Variants in IFTAP observed in about 807,000 individuals in gnomAD.
The protein encoded by IFTAP is intraflagellar transport-associated protein.
In IFTAP, 19 loss-of-function variants were observed where a neutral mutation model predicts 19.4. The ratio of observed to expected loss-of-function variants is 0.98; its 90% CI spans 0.68 to 1.44. IFTAP has a LOEUF of 1.44. Ranked by LOEUF, IFTAP falls within the 40% of genes most tolerant of loss-of-function variation. The pLI is 0.00. For synonymous variants in IFTAP, 85 were observed against 83.5 expected (o/e 1.02, Z -0.10); for missense variants, 240 against 253.6 (o/e 0.95, Z 0.36).
intron 2 of IFTAP, among the ~76,000 whole-genome samples, chr11:36,617,555 C>T (rs1381455166): frequency 6.6e-6 from 1 of 151,910 alleles, no homozygotes; most frequent in Non-Finnish European, 1.5e-5. Flanking sequence ...CTGATTTAGG[C>T]TACAGATTCT....
chr11:36,594,852 G>A (rs1851141940), intron 1 of IFTAP: 1 of 152,574 alleles, frequency 6.6e-6, no homozygotes, highest in Non-Finnish European at 1.5e-5. Flanking sequence ...ATGTCGTTAC[G>A]GTGTCCTGCC....
intron 1 of IFTAP, among the ~76,000 whole-genome samples, chr11:36,607,596 T>G (rs1196323886): frequency 2.6e-5 from 4 of 152,144 alleles, no homozygotes. Context: ...CTTATGAATT[T>G]TTTTTTTTCC....
At chr11:36,632,923 A>G (rs1852783084) in intron 2 of IFTAP, among the ~76,000 whole-genome samples, 1 of 151,196 alleles carries the variant, frequency 6.6e-6, no homozygotes, top group Admixed American at 6.6e-5. Flanking sequence ...TTCTAAAGTC[A>G]TCCATACATT....
chr11:36,622,083 A>ATTTTTTTTTT lies in IFTAP; in HGVS notation c.137-11195_137-11194insTTTTTTTTTT, dbSNP rs199873596. ...TTATTTTACTTTAAGCTCTTGTTCT[A>ATTTTTTTTTT]TTTTTTATTTTTTTTTTTGTGAAGG... On this transcript the variant is annotated intron_variant, in intron 2 of 5. Coordinates refer to ENST00000334307, the MANE Select transcript of IFTAP (RefSeq NM_138787.4). Among the ~76,000 whole-genome samples the ATTTTTTTTTT allele has an allele frequency of 1.7e-3, 237 of 138,124 alleles. 6 individuals are homozygous for ATTTTTTTTTT. Among genetic ancestry groups the ATTTTTTTTTT allele is most frequent in the African/African-American group, 2.2e-3 (80 of 35,738 alleles). 90.6% of individuals were successfully genotyped at this position (138,124 alleles called of 152,430 possible). A position where few individuals can be genotyped will look rare whatever the true frequency, so the allele number is the denominator to read the frequency against.
At chr11:36,626,997 G>A (rs780551279) in intron 2 of IFTAP, among the ~76,000 whole-genome samples, 3 of 151,034 alleles carry the variant, frequency 2.0e-5, no homozygotes, top group South Asian at 2.1e-4. Flanking sequence ...TTCATACAAC[G>A]GACTATTATT....
chr11:36,624,842 G>GAACAA (rs368784967), intron 2 of IFTAP, among the ~76,000 whole-genome samples: 17,198 of 152,008 alleles, frequency 0.11, 1,132 homozygotes, highest in African/African-American at 0.17. Context: ...GTGGAGCAAG[G>GAACAA]TCATATTATC....
intron 2 of IFTAP, among the ~76,000 whole-genome samples, chr11:36,620,607 CATAG>C (rs529052898): frequency 6.6e-6 from 1 of 151,876 alleles, no homozygotes; most frequent in African/African-American, 2.4e-5. Flanking sequence ...ATATTTGGTT[CATAG>C]ATAATCATTT....
chr11:36,630,553 C>T (rs1264093458), intron 2 of IFTAP, among the ~76,000 whole-genome samples: 1 of 151,346 alleles, frequency 6.6e-6, no homozygotes, highest in Admixed American at 6.6e-5. Context: ...ATATTTTGCT[C>T]TTTATTTCAA....
chr11:36,655,291 T>C (rs1349238133), intron 5 of IFTAP, among the ~76,000 whole-genome samples: 1 of 152,180 alleles, frequency 6.6e-6, no homozygotes, highest in Non-Finnish European at 1.5e-5. Context: ...ACTTGTAAAC[T>C]AATGTTTACC....
intron 2 of IFTAP, among the ~76,000 whole-genome samples, chr11:36,625,391 T>A (rs901922755): frequency 1.3e-5 from 2 of 152,186 alleles, no homozygotes; most frequent in African/African-American, 2.4e-5. Context: ...ATAGTTTCTG[T>A]AACTTGCTTT....
At chr11:36,647,498 C>A (rs1853535838) in intron 4 of IFTAP, among the ~76,000 whole-genome samples, 1 of 152,090 alleles carries the variant, frequency 6.6e-6, no homozygotes, top group Non-Finnish European at 1.5e-5. Context: ...GAAAATTAGA[C>A]CATGCATTCT....
intron 2 of IFTAP, among the ~76,000 whole-genome samples, chr11:36,624,966 C>G (rs1231957113): frequency 6.6e-6 from 1 of 152,158 alleles, no homozygotes; most frequent in Non-Finnish European, 1.5e-5. Flanking sequence ...ATGCAGTTAA[C>G]TAATAAAGTC....
At chr11:36,599,499 A>T (rs937160269) in intron 1 of IFTAP, among the ~76,000 whole-genome samples, 1 of 152,182 alleles carries the variant, frequency 6.6e-6, no homozygotes, top group African/African-American at 2.4e-5. Context: ...TAACTACCTT[A>T]TTGTAAGGAT....
At chr11:36,658,356 G>T (rs143401646) in intron 5 of IFTAP, among the ~76,000 whole-genome samples, 2 of 152,232 alleles carry the variant, frequency 1.3e-5, no homozygotes, top group African/African-American at 4.8e-5. Context: ...CCTTTAGGAA[G>T]TCTTTAAAAC....
intron 4 of IFTAP, among the ~76,000 whole-genome samples, chr11:36,644,752 A>G (rs1853403521): frequency 6.6e-6 from 1 of 151,428 alleles, no homozygotes. Flanking sequence ...CGTAAGGATA[A>G]AAAAACCAAA....
At chr11:36,628,770 G>GT in intron 2 of IFTAP, among the ~76,000 whole-genome samples, 1 of 151,284 alleles carries the variant, frequency 6.6e-6, no homozygotes, top group Admixed American at 6.6e-5. Flanking sequence ...CTGCTATTGT[G>GT]TCCCTCATCT....
At chr11:36,638,989 G>A (rs1204421895) in intron 4 of IFTAP, among the ~76,000 whole-genome samples, 1 of 152,200 alleles carries the variant, frequency 6.6e-6, no homozygotes. Context: ...CTGCCACAGA[G>A]TTTGGTGCAC....
At chr11:36,617,999 A>G (rs1852154664) in intron 2 of IFTAP, among the ~76,000 whole-genome samples, 1 of 152,072 alleles carries the variant, frequency 6.6e-6, no homozygotes, top group Non-Finnish European at 1.5e-5. Context: ...CTTCACATGT[A>G]TCATCTCGTT....
chr11:36,634,314 G>T (rs7120887), intron 3 of IFTAP, among the ~76,000 whole-genome samples: 6,147 of 152,102 alleles, frequency 0.04, 407 homozygotes, highest in African/African-American at 0.14. Context: ...TTCATCAGAG[G>T]TTCATTGGGA....
Sources: allele counts gnomAD v4.1 joint callset (sites outside exome capture counted in the v4.1 genomes callset), GRCh38; gene constraint gnomAD v4.1.1; transcripts MANE v1.5; gene names NCBI Gene and HGNC (gene_info 2026-07-23, HGNC 2026-07-21).